TMOD1: variants seen among roughly 807,000 people sequenced by gnomAD.
The protein encoded by TMOD1 is tropomodulin 1.
In TMOD1, 17 loss-of-function variants were observed where a neutral mutation model predicts 40.6. The ratio of observed to expected loss-of-function variants is 0.42; its 90% confidence interval spans 0.29 to 0.63. The LOEUF (loss-of-function observed/expected upper bound fraction) is 0.63. Ranked by LOEUF, TMOD1 falls within the 20% of genes least tolerant of loss-of-function variation. TMOD1 has a pLI of 0.22. For synonymous variants in TMOD1, 181 were observed against 175.0 expected (o/e 1.03, Z -0.27); for missense variants, 391 against 447.6 (o/e 0.87, Z 1.14).
chr9:97,508,528 A>C (rs1829638817), intron 1 of TMOD1, among the ~76,000 whole-genome samples: 1 of 152,172 alleles, frequency 6.6e-6, no homozygotes, highest in South Asian at 2.1e-4. Flanking sequence ...CCCATCTATA[A>C]ACTGGGGTTG....
At chr9:97,572,015 C>G (rs1830825800) in intron 8 of TMOD1, among the ~76,000 whole-genome samples, 1 of 152,130 alleles carries the variant, frequency 6.6e-6, no homozygotes, top group African/African-American at 2.4e-5. Context: ...CAGAAATGAC[C>G]ATCATACCAG....
At chr9:97,514,494 C>T (rs10114709) in intron 1 of TMOD1, among the ~76,000 whole-genome samples, 82,866 of 151,894 alleles carry the variant, frequency 0.55, 22,974 homozygotes, top group Middle Eastern at 0.63. Flanking sequence ...GGGCTCAGAA[C>T]CTCAGCTTGC....
intron 2 of TMOD1, among the ~76,000 whole-genome samples, chr9:97,532,686 C>T (rs1203447721): frequency 1.3e-5 from 2 of 151,894 alleles, no homozygotes; most frequent in African/African-American, 4.8e-5. Flanking sequence ...TTCTATTCAT[C>T]ATCTCTGCCA....
intron 6 of TMOD1, among the ~76,000 whole-genome samples, chr9:97,565,352 G>T (rs1830710667): frequency 6.6e-6 from 1 of 152,072 alleles, no homozygotes. Context: ...AGTTCCCCAG[G>T]AGTCTCTGAT....
chr9:97,591,392 C>G lies in TMOD1; in HGVS notation c.972C>G (p.Pro324=), dbSNP rs774041983. 6 of 1,614,190 alleles carry G rather than the reference C, an allele frequency of 3.7e-6. No individual in the cohort carries two copies. The South Asian group carries it at 6.6e-5, about 18-fold the overall frequency. ...GCTACCACTTTACCCAGCAAGGACC[C>G]CGGCTTCGGGCATCCAACGCAATGA... ...KFGYHFTQQG[P]RLRASNAMMN... Residue 324 remains proline, a synonymous_variant, in exon 9 of 10, where the codon CCC becomes CCG. Coordinates refer to ENST00000259365, the MANE Select transcript of TMOD1 (RefSeq NM_003275.4).
At chr9:97,541,312 C>T (rs1395503582) in intron 2 of TMOD1, among the ~76,000 whole-genome samples, 2 of 151,802 alleles carry the variant, frequency 1.3e-5, no homozygotes, top group Non-Finnish European at 2.9e-5. Flanking sequence ...CTTAGCCTCA[C>T]GTGTAGCTGG....
At chr9:97,558,141 G>A (rs1023078756) in intron 4 of TMOD1, among the ~76,000 whole-genome samples, 1 of 151,970 alleles carries the variant, frequency 6.6e-6, no homozygotes, top group Non-Finnish European at 1.5e-5. Flanking sequence ...TCTTCTTTTC[G>A]TCCTTCCTTT....
intron 2 of TMOD1, among the ~76,000 whole-genome samples, chr9:97,541,640 T>C (rs796912687): frequency 6.6e-6 from 1 of 151,388 alleles, no homozygotes; most frequent in African/African-American, 2.4e-5. Context: ...CTCAGCCTCC[T>C]GAGTAGCTGG....
chr9:97,565,800 C>A, intron 6 of TMOD1, 48 bp from the exon 7 acceptor site: 1 of 1,488,030 alleles, frequency 6.7e-7, no homozygotes, highest in Non-Finnish European at 9.4e-7. Flanking sequence ...CTCAGCCTGT[C>A]CCAGAGGAGG....
chr9:97,568,753 C>T, intron 7 of TMOD1, 141 bp from the exon 8 acceptor site: 1 of 960,764 alleles, frequency 1.0e-6, no homozygotes, highest in Non-Finnish European at 1.6e-6. Flanking sequence ...AGAGGAGAGA[C>T]ACAGTCAGAG....
chr9:97,549,956 C>T (rs1250261660), intron 3 of TMOD1, among the ~76,000 whole-genome samples: 1 of 152,088 alleles, frequency 6.6e-6, no homozygotes, highest in Admixed American at 6.5e-5. Context: ...ATGAACAATC[C>T]ACAACATTGT....
chr9:97,574,428 G>A (rs1244364613), intron 8 of TMOD1, among the ~76,000 whole-genome samples: 1 of 152,242 alleles, frequency 6.6e-6, no homozygotes, highest in African/African-American at 2.4e-5. Context: ...CAGGGCTCGG[G>A]ACCTGCAGCC....
At chr9:97,589,095 C>G (rs1410239015) in intron 8 of TMOD1, among the ~76,000 whole-genome samples, 6 of 107,550 alleles carry the variant, frequency 5.6e-5, no homozygotes, top group African/African-American at 2.2e-4. Flanking sequence ...CCAGCCTGAA[C>G]AACAAGAGTG....
rs1346498492 is a variant in TMOD1 at position 97,513,374 on chromosome 9, T to C, written c.-48-10767T>C. ...AGGCACAAAGTGGTATGCCTGAGGC[T>C]GCCCAGTCAGCTAGAGCCAGGGGTA... On this transcript the variant is annotated intron_variant, in intron 1 of 9. Transcript: ENST00000259365. The surrounding 1 kb of genome is among the most constrained non-coding windows in gnomAD (Gnocchi z 4.1). 6.6e-6 allele frequency among the ~76,000 whole-genome samples: 1 copy of C among 152,170 alleles called. No homozygotes were observed. The highest frequency in any genetic ancestry group is 1.5e-5 in the Non-Finnish European group (1 of 68,036).
At chr9:97,501,577 G>GCGGGGCGGGGCGCGGTGACAGC (rs1825267648), upstream of TMOD1, 1 of 149,688 alleles carries the variant, frequency 6.7e-6, no homozygotes, top group African/African-American at 2.4e-5. Context: ...CCGGCGGCGG[G>GCGGGGCGGGGCGCGGTGACAGC]CGGGGCGGGG....
intron 2 of TMOD1, among the ~76,000 whole-genome samples, chr9:97,536,136 A>T (rs1015423575): frequency 2.0e-5 from 3 of 152,210 alleles, no homozygotes; most frequent in Non-Finnish European, 2.9e-5. Flanking sequence ...AAGCTGCTGG[A>T]CAGTAATGCA....
At chr9:97,575,692 G>C (rs940600985) in intron 8 of TMOD1, among the ~76,000 whole-genome samples, 4 of 152,252 alleles carry the variant, frequency 2.6e-5, no homozygotes, top group African/African-American at 9.6e-5. Flanking sequence ...TCCAAAGTGA[G>C]ATTCTTGATG....
chr9:97,531,043 C>CG (rs564046583), intron 2 of TMOD1, among the ~76,000 whole-genome samples: 4 of 138,540 alleles, frequency 2.9e-5, no homozygotes, highest in African/African-American at 7.9e-5. Flanking sequence ...ACCCACCCCC[C>CG]CCACCACCCC....
At chr9:97,574,208 G>A (rs372069149) in intron 8 of TMOD1, among the ~76,000 whole-genome samples, 2 of 152,274 alleles carry the variant, frequency 1.3e-5, no homozygotes, top group South Asian at 2.1e-4. Context: ...AGCTTGCGGG[G>A]AGGTGTGGAG....
Sources: allele counts gnomAD v4.1 joint callset (sites outside exome capture counted in the v4.1 genomes callset), GRCh38; gene constraint gnomAD v4.1.1; non-coding constraint Gnocchi (gnomAD v3.1); transcripts MANE v1.5; gene names NCBI Gene and HGNC (gene_info 2026-07-23, HGNC 2026-07-21).